LITAF: variants seen among roughly 807,000 people sequenced by gnomAD.
LITAF encodes lipopolysaccharide-induced tumor necrosis factor-alpha factor.
LITAF carries 9 observed loss-of-function variants against 14.5 expected under a neutral mutation model. The observed-to-expected ratio is 0.62, with a 90% CI of 0.37 to 1.08. LITAF has a LOEUF of 1.08. Ranked by LOEUF, LITAF falls within the 50% of genes least tolerant of loss-of-function variation. LITAF has a pLI of 0.01. For synonymous variants in LITAF, 98 were observed against 88.2 expected, an observed-to-expected ratio of 1.11 and a Z score of -0.62; for missense variants, 206 against 213.4, an observed-to-expected ratio of 0.97 and a Z score of 0.22.
chr16:11,627,878 G>T (rs189554492), intron 3 of LITAF, among the ~76,000 whole-genome samples: 52 of 151,974 alleles, frequency 3.4e-4, no homozygotes, highest in African/African-American at 1.3e-3. Context: ...TTAGCCGGGC[G>T]TGGTACCACA....
intron 3 of LITAF, among the ~76,000 whole-genome samples, chr16:11,609,031 C>T (rs900405193): frequency 6.6e-6 from 1 of 150,798 alleles, no homozygotes; most frequent in Non-Finnish European, 1.5e-5. Context: ...ATGTCCAGAA[C>T]AGGCAAATTC....
At chr16:11,615,506 C>T (rs2065013877) in intron 3 of LITAF, among the ~76,000 whole-genome samples, 1 of 152,040 alleles carries the variant, frequency 6.6e-6, no homozygotes, top group East Asian at 1.9e-4. Context: ...CATTGCACTG[C>T]AGCCGGGGCA....
chr16:11,556,625 G>C lies in LITAF; in HGVS notation c.106C>G (p.Pro36Ala). The C allele has an allele frequency of 2.5e-6, 4 of 1,614,214 alleles. No homozygotes were observed. The highest frequency in any genetic ancestry group is 3.4e-6 in the Non-Finnish European group (4 of 1,180,034). ...GTTGGCCCAGGCATGGGAGCTGGAGGTGTGGGGTAATAACTGTTAACAGCC... is the reference window on the plus strand; with the variant it reads ...GTTGGCCCAGGCATGGGAGCTGGAGCTGTGGGGTAATAACTGTTAACAGCC... ...TVAVNSYYPTPPAPMPGPTTG... is the reference protein window; with the variant it reads ...TVAVNSYYPTAPAPMPGPTTG... Residue 36 changes from proline (P) to alanine (A), a missense_variant, in exon 2 of 4, where the codon CCT becomes GCT. Pro to Ala is a conservative substitution (Grantham distance 27). Coordinates refer to ENST00000622633, the MANE Select transcript of LITAF (RefSeq NM_001136472.2).
At position 11,616,518 on chromosome 16, in the gene LITAF, G is replaced by C. The variant is rs193146225; in HGVS notation, c.85+17015C>G. Reference sequence around the variant, plus strand: ...GAAAAAAAAAAAGAAAAAGAAAGGGGCTTATGATGAATAACAAAAGATGTA... The same window carrying C: ...GAAAAAAAAAAAGAAAAAGAAAGGGCCTTATGATGAATAACAAAAGATGTA... On this transcript the variant is annotated intron_variant, in intron 3 of 3. Transcript: ENST00000574848. Among the ~76,000 whole-genome samples the C allele has an allele frequency of 5.3e-4, 81 of 151,840 alleles. 1 individual carries two copies. The East Asian group carries it at 0.015, about 29-fold the overall frequency.
chr16:11,567,513 CA>C (rs1268540712), intron 1 of LITAF, among the ~76,000 whole-genome samples: 1 of 151,984 alleles, frequency 6.6e-6, no homozygotes, highest in East Asian at 1.9e-4. Flanking sequence ...TACACATGGA[CA>C]AAATGAAGTC....
At chr16:11,610,553 AC>A (rs1419225214) in intron 3 of LITAF, among the ~76,000 whole-genome samples, 1 of 152,144 alleles carries the variant, frequency 6.6e-6, no homozygotes, top group Non-Finnish European at 1.5e-5. Flanking sequence ...TTGTCTTCAG[AC>A]ATTGCCACAG....
chr16:11,628,070 C>A (rs1193373456), intron 3 of LITAF, among the ~76,000 whole-genome samples: 1 of 148,768 alleles, frequency 6.7e-6, no homozygotes, highest in African/African-American at 2.5e-5. Context: ...AAGACAAGCA[C>A]AGTCCTGCAG....
At chr16:11,556,773 GT>G (rs2064277662) in intron 1 of LITAF, 38 bp from the exon 2 acceptor site, 20 of 1,522,552 alleles carry the variant, frequency 1.3e-5, no homozygotes, top group Non-Finnish European at 1.8e-5. Flanking sequence ...AAGAAATTCA[GT>G]TGATCTCTCC....
Position 11,556,584 on chromosome 16 carries a change from C to T in LITAF, c.147G>A (p.Thr49=), listed in dbSNP as rs145659732. The change falls in exon 2 of 4, where the codon ACG becomes ACA. Residue 49 remains threonine, a synonymous_variant. Transcript: ENST00000622633. ...PMPGPTTGLV[T]GPDGKGMNPP... is the part of the protein sequence containing the mutation. Reference sequence around the variant, plus strand: ...GATTCATGCCCTTCCCATCAGGCCCCGTCACAAGCCCCGTAGTTGGCCCAG... The same window carrying T: ...GATTCATGCCCTTCCCATCAGGCCCTGTCACAAGCCCCGTAGTTGGCCCAG... The T allele has an allele frequency of 9.7e-5, 157 of 1,614,132 alleles. No individual in the cohort carries two copies. The highest frequency in any genetic ancestry group is 1.2e-4 in the Non-Finnish European group (142 of 1,180,032).
intron 2 of LITAF, among the ~76,000 whole-genome samples, chr16:11,635,332 T>C (rs1229155446): frequency 1.3e-5 from 2 of 152,232 alleles, no homozygotes; most frequent in Admixed American, 6.5e-5. Context: ...GCTGGGGCGA[T>C]GTCTGCAACC....
chr16:11,596,452 A>AGGGGAGGAG (rs2064887068), intron 1 of LITAF, among the ~76,000 whole-genome samples: 1 of 80,354 alleles, frequency 1.2e-5, no homozygotes, highest in African/African-American at 6.6e-5. Flanking sequence ...AAATCCCAAT[A>AGGGGAGGAG]GAGGAGGAGG....
At chr16:11,614,863 G>C (rs1033717225) in intron 3 of LITAF, among the ~76,000 whole-genome samples, 1 of 152,222 alleles carries the variant, frequency 6.6e-6, no homozygotes, top group Non-Finnish European at 1.5e-5. Flanking sequence ...CCTGCAGCTG[G>C]ACCAGCTCTG....
intron 3 of LITAF, among the ~76,000 whole-genome samples, chr16:11,609,523 T>A (rs575167056): frequency 6.6e-6 from 1 of 152,058 alleles, no homozygotes; most frequent in Non-Finnish European, 1.5e-5. Context: ...CTGAATGGTA[T>A]GCTTTAAATG....
chr16:11,561,733 CTTCA>C (rs910032123), intron 1 of LITAF, among the ~76,000 whole-genome samples: 2 of 152,004 alleles, frequency 1.3e-5, no homozygotes, highest in African/African-American at 4.8e-5. Flanking sequence ...TGTTTTGCGC[CTTCA>C]TTTCAATTTG....
upstream of LITAF, among the ~76,000 whole-genome samples, chr16:11,600,916 T>C (rs547618509): frequency 1.0e-3 from 157 of 152,104 alleles, 1 homozygote; most frequent in African/African-American, 3.6e-3. This position sits in a 1 kb window ranked among gnomAD's most constrained non-coding sequence, Gnocchi z 4.1. Context: ...CTGCCAAACA[T>C]GGATACAAGC....
chr16:11,588,536 GAAAA>G (rs1221382597), upstream of LITAF, among the ~76,000 whole-genome samples: 2 of 107,960 alleles, frequency 1.9e-5, no homozygotes. Context: ...AAAAAAGAAA[GAAAA>G]AGAAGAAAGA....
rs1418457177 is a variant in LITAF at position 11,609,874 on chromosome 16, G to A, written c.85+23659C>T. Among the ~76,000 whole-genome samples the A allele has an allele frequency of 2.6e-5, 4 of 152,186 alleles. No individual in the cohort carries two copies. In the East Asian group the frequency reaches 7.7e-4, roughly 29 times the overall value. On this transcript the variant is annotated intron_variant, in intron 3 of 3. Coordinates refer to the LITAF transcript ENST00000574848. The stretch of plus-strand genomic sequence containing the variant: ...GACCAGGCTTTCCTGGCCAGTGATG[G>A]AAACAAATTTTCACTGTCGTCCAAG...
chr16:11,627,991 G>A (rs1436091979), intron 3 of LITAF, among the ~76,000 whole-genome samples: 6 of 127,984 alleles, frequency 4.7e-5, no homozygotes, highest in Non-Finnish European at 6.2e-5. Flanking sequence ...CAGCCTGAGC[G>A]ACAGAGTGAG....
intron 3 of LITAF, among the ~76,000 whole-genome samples, chr16:11,626,522 G>A (rs1028263273): frequency 1.3e-5 from 2 of 151,982 alleles, no homozygotes; most frequent in East Asian, 1.9e-4. Context: ...TTTTGTATTT[G>A]TAGAGACCAA....
Sources: allele counts gnomAD v4.1 joint callset (sites outside exome capture counted in the v4.1 genomes callset), GRCh38; gene constraint gnomAD v4.1.1; non-coding constraint Gnocchi (gnomAD v3.1); transcripts MANE v1.5; gene names NCBI Gene and HGNC (gene_info 2026-07-23, HGNC 2026-07-21).